CNTN5: variants seen among roughly 807,000 people sequenced by gnomAD.
The protein encoded by CNTN5 is contactin-5.
CNTN5 carries 77 observed loss-of-function variants against 129.1 expected under a neutral mutation model. The observed-to-expected ratio is 0.60, with a 90% CI of 0.50 to 0.72. The LOEUF (loss-of-function observed/expected upper bound fraction) is 0.72, where lower values mean the gene tolerates loss of function less well. Among genes scored for constraint, CNTN5 ranks in the 30% least tolerant of loss-of-function variants. The pLI is 0.00. For synonymous variants in CNTN5, 509 were observed against 465.6 expected (o/e 1.09, Z -1.20); for missense variants, 1,478 against 1,328.8 (o/e 1.11, Z -1.75).
At chr11:99,717,345 A>G (rs1484362478) in intron 3 of CNTN5, among the ~76,000 whole-genome samples, 1 of 152,090 alleles carries the variant, frequency 6.6e-6, no homozygotes, top group Non-Finnish European at 1.5e-5. Context: ...GTTTCTATTT[A>G]AAATGTCATA....
chr11:99,552,211 TTGTG>T lies in CNTN5; in HGVS notation c.-70-3932_-70-3929del, dbSNP rs1323637413. 5.3e-5 allele frequency among the ~76,000 whole-genome samples: 8 copies of T among 150,268 alleles called. 1 individual carries two copies. In the South Asian group the frequency reaches 6.3e-4, roughly 12 times the overall value. Reference sequence around the variant, plus strand: ...CATGAGCTACGCACCTGGTCAGTTTTTGTGTTTTTTTTTTTGTATTATATTTTGC... The same window carrying T: ...CATGAGCTACGCACCTGGTCAGTTTTTTTTTTTTTTTGTATTATATTTTGC... On this transcript the variant is annotated intron_variant, in intron 2 of 24. Transcript: ENST00000524871.
At chr11:99,498,841 G>A (rs1476047612) in intron 2 of CNTN5, among the ~76,000 whole-genome samples, 7 of 152,170 alleles carry the variant, frequency 4.6e-5, no homozygotes, top group African/African-American at 1.7e-4. Flanking sequence ...GAGAGTGTGT[G>A]AGATCCAAAA....
chr11:99,788,068 A>G (rs1003963424), intron 3 of CNTN5, among the ~76,000 whole-genome samples: 1 of 151,952 alleles, frequency 6.6e-6, no homozygotes, highest in Non-Finnish European at 1.5e-5. Flanking sequence ...TTCATGATCA[A>G]AAGAATACAA....
intron 2 of CNTN5, among the ~76,000 whole-genome samples, chr11:99,374,027 A>G (rs1940000751): frequency 1.3e-5 from 2 of 152,206 alleles, no homozygotes; most frequent in Admixed American, 1.3e-4. Flanking sequence ...CAGAAGCATG[A>G]AAAAGTAATA....
chr11:100,260,548 A>G (rs760659790), intron 17 of CNTN5, among the ~76,000 whole-genome samples: 1 of 152,230 alleles, frequency 6.6e-6, no homozygotes, highest in Non-Finnish European at 1.5e-5. Flanking sequence ...AATCCTCAAT[A>G]AAATACTGGC....
intron 3 of CNTN5, among the ~76,000 whole-genome samples, chr11:99,658,154 CA>C (rs112750637): frequency 5.6e-4 from 84 of 150,412 alleles, no homozygotes; most frequent in African/African-American, 1.9e-3. Flanking sequence ...AAAAGCAAAA[CA>C]AAAAAAAATT....
At chr11:99,683,653 T>C (rs1036495202) in intron 3 of CNTN5, among the ~76,000 whole-genome samples, 2 of 151,806 alleles carry the variant, frequency 1.3e-5, no homozygotes, top group African/African-American at 4.8e-5. Flanking sequence ...AGTTTGCCAG[T>C]TTTCACACAC....
intron 2 of CNTN5, among the ~76,000 whole-genome samples, chr11:99,465,771 G>A (rs1024596224): frequency 1.3e-5 from 2 of 152,016 alleles, no homozygotes; most frequent in Admixed American, 6.6e-5. Context: ...GGCTGAGGAG[G>A]CCTCTGGAGA....
chr11:100,010,554 C>T (rs541774426), intron 9 of CNTN5, among the ~76,000 whole-genome samples: 1 of 152,200 alleles, frequency 6.6e-6, no homozygotes, highest in East Asian at 1.9e-4. Flanking sequence ...AAATAAACAA[C>T]GATGGTGTTC....
intron 13 of CNTN5, among the ~76,000 whole-genome samples, chr11:100,151,721 T>C (rs757196903): frequency 2.0e-5 from 3 of 152,202 alleles, no homozygotes; most frequent in South Asian, 2.1e-4. Flanking sequence ...TAGATAGATA[T>C]GCTTTTCCTC....
chr11:100,277,505 A>C (rs1412229334), intron 18 of CNTN5, among the ~76,000 whole-genome samples: 1 of 152,102 alleles, frequency 6.6e-6, no homozygotes, highest in African/African-American at 2.4e-5. Flanking sequence ...TCTTTTGAAT[A>C]TAAGCCATGT....
chr11:99,212,779 T>C (rs1345648540), intron 1 of CNTN5, among the ~76,000 whole-genome samples: 2 of 152,176 alleles, frequency 1.3e-5, no homozygotes, highest in African/African-American at 4.8e-5. Context: ...AGCAGAATGA[T>C]CATGCTGCAA....
At chr11:99,157,528 C>A (rs114869287) in intron 1 of CNTN5, among the ~76,000 whole-genome samples, 7,220 of 151,900 alleles carry the variant, frequency 0.048, 197 homozygotes, top group Middle Eastern at 0.065. Context: ...ATATAAATAC[C>A]ATATATTAGA....
intron 3 of CNTN5, among the ~76,000 whole-genome samples, chr11:99,725,940 C>T (rs145036935): frequency 2.0e-5 from 3 of 152,272 alleles, no homozygotes; most frequent in African/African-American, 7.2e-5. Context: ...TTTAAAGATA[C>T]AAGCTACTTC....
intron 17 of CNTN5, 51 bp downstream of exon 17, chr11:100,255,969 C>A: frequency 6.5e-7 from 1 of 1,530,452 alleles, no homozygotes; most frequent in Non-Finnish European, 9.0e-7. Flanking sequence ...CCTTCTATCT[C>A]ATAAGCTATA....
chr11:99,497,235 G>A (rs1228629296), intron 2 of CNTN5, among the ~76,000 whole-genome samples: 1 of 152,198 alleles, frequency 6.6e-6, no homozygotes, highest in African/African-American at 2.4e-5. Flanking sequence ...GAAATTTTAT[G>A]GAAACAGGTT....
intron 18 of CNTN5, among the ~76,000 whole-genome samples, chr11:100,288,161 A>G (rs1254871094): frequency 6.6e-6 from 1 of 152,216 alleles, no homozygotes; most frequent in African/African-American, 2.4e-5. Context: ...TAATAATGGG[A>G]GACTTTAACA....
At chr11:99,351,748 GTTACT>G (rs1938313431) in intron 2 of CNTN5, among the ~76,000 whole-genome samples, 1 of 152,132 alleles carries the variant, frequency 6.6e-6, no homozygotes. Context: ...GGAGTTCAAT[GTTACT>G]GAGGCTGTCA....
intron 7 of CNTN5, among the ~76,000 whole-genome samples, chr11:99,942,135 T>G (rs1223768022): frequency 1.3e-5 from 2 of 152,098 alleles, no homozygotes; most frequent in Non-Finnish European, 2.9e-5. Flanking sequence ...TAACACTCTT[T>G]TCAAAATTTC....
Sources: gnomAD v4.1 joint callset for allele counts (sites outside exome capture counted in the v4.1 genomes callset) on GRCh38, gnomAD v4.1.1 for gene constraint, MANE v1.5 for transcripts, NCBI Gene and HGNC (gene_info 2026-07-23, HGNC 2026-07-21) for gene names.